The following YWHAE variants were observed in gnomAD, a reference collection of about 807,000 sequenced individuals.
The protein encoded by YWHAE is tyrosine 3-monooxygenase/tryptophan 5-monooxygenase activation protein epsilon.
Under a neutral mutation model 30.1 loss-of-function variants are expected in YWHAE, and 4 were observed. That is an observed-to-expected ratio of 0.13 (90% CI 0.07 to 0.30). The LOEUF is 0.30. YWHAE is among the 10% of genes least tolerant of loss of function. The probability of loss-of-function intolerance (pLI) is 1.00; values close to 1 mark genes in which losing one functional copy is unlikely to be tolerated. For missense variants in YWHAE, 121 were observed against 315.9 expected, an observed-to-expected ratio of 0.38 and a Z score of 4.68; for synonymous variants, 118 against 111.8, an observed-to-expected ratio of 1.06 and a Z score of -0.35.
In YWHAE at chr17:1,381,685, G is replaced by A. The variant is rs145947161; in HGVS notation, c.65-16627C>T. Among the ~76,000 whole-genome samples the A allele has an allele frequency of 6.6e-5, 10 of 152,128 alleles. No individual in the cohort carries two copies. In the East Asian group the frequency reaches 1.5e-3, roughly 24 times the overall value. On this transcript the variant is annotated intron_variant, in intron 1 of 5. Transcript: ENST00000264335. The stretch of plus-strand genomic sequence containing the variant: ...AATCCCAGCACTTTGGGAGGCCAAC[G>A]CGGGTGGATCGCTTCAACTCAGGAG...
intron 1 of YWHAE, among the ~76,000 whole-genome samples, chr17:1,381,637 C>T (rs745725143): frequency 1.8e-4 from 28 of 151,682 alleles, no homozygotes; most frequent in Non-Finnish European, 2.1e-4. Context: ...TGAGGAAGGC[C>T]GAGCGCAAAG....
At chr17:1,357,286 C>T (rs2072764785) in intron 4 of YWHAE, among the ~76,000 whole-genome samples, 1 of 151,832 alleles carries the variant, frequency 6.6e-6, no homozygotes, top group Non-Finnish European at 1.5e-5. Flanking sequence ...GCCTGTAGTC[C>T]CAGCTACTCG....
Position 1,354,685 on chromosome 17 carries a change from C to T in YWHAE, c.579-338G>A, listed in dbSNP as rs986675060. On this transcript the variant is annotated intron_variant, in intron 4 of 5. Coordinates refer to ENST00000264335, the MANE Select transcript of YWHAE (RefSeq NM_006761.5). Reference sequence around the variant, plus strand: ...AAGTTTTGTTTGTTTGTTTTTAAGACGGAGTCTGGCTCTGTCGCCCAGGCT... The same window carrying T: ...AAGTTTTGTTTGTTTGTTTTTAAGATGGAGTCTGGCTCTGTCGCCCAGGCT... 9.9e-5 allele frequency among the ~76,000 whole-genome samples: 15 copies of T among 152,238 alleles called. No individual in the cohort carries two copies. In the South Asian group the frequency reaches 1.2e-3, roughly 13 times the overall value.
At chr17:1,381,107 G>A (rs1455504384) in intron 1 of YWHAE, among the ~76,000 whole-genome samples, 4 of 152,184 alleles carry the variant, frequency 2.6e-5, no homozygotes, top group African/African-American at 9.7e-5. Flanking sequence ...CCAAGAGGCT[G>A]GGCGCAGTGG....
chr17:1,364,320 G>A (rs768559401), intron 2 of YWHAE, among the ~76,000 whole-genome samples: 25 of 151,562 alleles, frequency 1.6e-4, no homozygotes, highest in Non-Finnish European at 2.4e-4. Flanking sequence ...TCCGCCTCCC[G>A]GATTCACACC....
At chr17:1,370,159 G>C (rs997648526) in intron 1 of YWHAE, among the ~76,000 whole-genome samples, 2 of 117,340 alleles carry the variant, frequency 1.7e-5, no homozygotes, top group East Asian at 5.4e-4. Flanking sequence ...ACGGAGTCTC[G>C]CTCTGTCACC....
chr17:1,357,542 T>C lies in YWHAE; in HGVS notation c.579-3195A>G, dbSNP rs1445861782. Among the ~76,000 whole-genome samples the C allele has an allele frequency of 2.0e-5, 3 of 151,740 alleles. No individual in the cohort carries two copies. In the East Asian group the frequency reaches 5.8e-4, roughly 29 times the overall value. On this transcript the variant is annotated intron_variant, in intron 4 of 5. Transcript: ENST00000264335. ...TTTCAGTGAGCTGAGATCACGCCAC[T>C]GTACTCCAGCCACAGCAGCAGAGTG...
intron 1 of YWHAE, among the ~76,000 whole-genome samples, chr17:1,386,997 C>T (rs2073310530): frequency 6.6e-6 from 1 of 151,530 alleles, no homozygotes; most frequent in Admixed American, 6.6e-5. Context: ...ATTGTGTAAC[C>T]TTCTATGAAA....
At position 1,391,860 on chromosome 17, in the gene YWHAE, G is replaced by A. The variant is rs921971152; in HGVS notation, c.64+8187C>T. On this transcript the variant is annotated intron_variant, in intron 1 of 5. Coordinates refer to ENST00000264335, the MANE Select transcript of YWHAE (RefSeq NM_006761.5). ...GGCGGTACCAGCTACCTGGTGGGAA[G>A]ATCACATGAGCTCAGGAGTTCAACA... 3.3e-5 allele frequency among the ~76,000 whole-genome samples: 5 copies of A among 152,148 alleles called. No individual in the cohort carries two copies. In the South Asian group the frequency reaches 6.2e-4, roughly 19 times the overall value.
intron 5 of YWHAE, among the ~76,000 whole-genome samples, chr17:1,351,795 A>G (rs1301570267): frequency 6.6e-6 from 1 of 151,926 alleles, no homozygotes; most frequent in Admixed American, 6.6e-5. Flanking sequence ...TTTTGAGACA[A>G]AGTCCTGCTC....
chr17:1,357,684 G>C (rs2072776823), intron 4 of YWHAE, among the ~76,000 whole-genome samples: 3 of 152,074 alleles, frequency 2.0e-5, no homozygotes, highest in Non-Finnish European at 4.4e-5. Context: ...TCGGCACTTT[G>C]GGAGGCCGAG....
intron 1 of YWHAE, among the ~76,000 whole-genome samples, chr17:1,365,722 G>C (rs1176523914): frequency 3.3e-5 from 5 of 152,124 alleles, no homozygotes; most frequent in African/African-American, 9.7e-5. Flanking sequence ...AATAGTAACT[G>C]AATAAATACA....
At chr17:1,375,710 G>T (rs527647578) in intron 1 of YWHAE, among the ~76,000 whole-genome samples, 7 of 152,226 alleles carry the variant, frequency 4.6e-5, no homozygotes, top group Non-Finnish European at 7.4e-5. Context: ...TCATTGTATG[G>T]TAATAGCCTA....
chr17:1,349,933 A>T (rs1054214674), intron 5 of YWHAE, among the ~76,000 whole-genome samples: 4 of 147,054 alleles, frequency 2.7e-5, no homozygotes, highest in African/African-American at 7.7e-5. Flanking sequence ...CTAGATTTTT[A>T]AAAACTGCGA....
chr17:1,347,065 C>T lies in YWHAE; in HGVS notation c.716-1566G>A, dbSNP rs765658466. ...TGCTGGAGCCAGGCATGGTGGCTCA[C>T]GCCTGTAATACCAGCACTTTGGGAG... On this transcript the variant is annotated intron_variant, in intron 5 of 5. Transcript: ENST00000264335. Among the ~76,000 whole-genome samples the T allele has an allele frequency of 4.0e-5, 6 of 149,490 alleles. No homozygotes were observed. The East Asian group carries it at 5.9e-4, about 15-fold the overall frequency.
At chr17:1,392,172 G>A (rs1055962994) in intron 1 of YWHAE, among the ~76,000 whole-genome samples, 4 of 151,960 alleles carry the variant, frequency 2.6e-5, no homozygotes, top group Non-Finnish European at 4.4e-5. Context: ...GTAATATACT[G>A]AGATCTTGTC....
intron 1 of YWHAE, chr17:1,399,088 T>A (rs529292219): frequency 6.6e-6 from 1 of 152,204 alleles, no homozygotes; most frequent in South Asian, 2.1e-4. Flanking sequence ...TCTTCCCATT[T>A]GTCATCACGG....
intron 1 of YWHAE, among the ~76,000 whole-genome samples, chr17:1,373,688 T>C (rs1400677556): frequency 6.6e-6 from 1 of 150,824 alleles, no homozygotes; most frequent in Admixed American, 6.6e-5. Flanking sequence ...AAGAAAAGTT[T>C]GAAATACTGC....
intron 1 of YWHAE, among the ~76,000 whole-genome samples, chr17:1,387,511 A>C (rs1019807803): frequency 2.0e-5 from 3 of 152,196 alleles, no homozygotes; most frequent in African/African-American, 7.2e-5. Flanking sequence ...AATGACCACA[A>C]ATAACCCTTG....
Sources: gnomAD v4.1 joint callset for allele counts (sites outside exome capture counted in the v4.1 genomes callset) on GRCh38, gnomAD v4.1.1 for gene constraint, MANE v1.5 for transcripts, NCBI Gene and HGNC (gene_info 2026-07-23, HGNC 2026-07-21) for gene names.